ATXN2: variants seen among roughly 807,000 people sequenced by gnomAD.
ATXN2 encodes the protein ataxin-2.
ATXN2 carries 37 observed loss-of-function variants against 138.6 expected under a neutral mutation model. The observed-to-expected ratio is 0.27, with a 90% CI of 0.21 to 0.35. ATXN2 has a LOEUF of 0.35. Among genes scored for constraint, ATXN2 ranks in the 10% least tolerant of loss-of-function variants. ATXN2 has a pLI of 1.00. For missense variants in ATXN2, 1,216 were observed against 1,480.3 expected (o/e 0.82, Z 2.93); for synonymous variants, 549 against 543.7 (o/e 1.01, Z -0.13).
intron 5 of ATXN2, among the ~76,000 whole-genome samples, chr12:111,534,411 T>C (rs922150840): frequency 6.6e-6 from 1 of 152,058 alleles, no homozygotes; most frequent in Non-Finnish European, 1.5e-5. Flanking sequence ...ATAAAAAATA[T>C]ATACATGTAA....
chr12:111,512,321 GTTTGT>G (rs959068209), intron 11 of ATXN2, among the ~76,000 whole-genome samples: 11 of 151,892 alleles, frequency 7.2e-5, no homozygotes, highest in Non-Finnish European at 1.2e-4. Context: ...TTGTTTGTTT[GTTTGT>G]TTTAAGTATT....
intron 1 of ATXN2, among the ~76,000 whole-genome samples, chr12:111,560,048 T>A (rs1197619595): frequency 1.3e-5 from 2 of 151,912 alleles, no homozygotes; most frequent in Non-Finnish European, 2.9e-5. Flanking sequence ...CCTCTGTGGA[T>A]TGGAACAAAT....
chr12:111,461,933 A>G (rs906564097), intron 21 of ATXN2, among the ~76,000 whole-genome samples: 1 of 151,864 alleles, frequency 6.6e-6, no homozygotes, highest in Admixed American at 6.6e-5. Flanking sequence ...AAAGAAAAAA[A>G]AAAAAAAAGG....
intron 1 of ATXN2, among the ~76,000 whole-genome samples, chr12:111,586,402 T>G (rs1474357604): frequency 2.7e-5 from 4 of 146,660 alleles, no homozygotes; most frequent in Non-Finnish European, 1.5e-5. Context: ...TTTTTTTTTT[T>G]TTTTTTTTTT....
In ATXN2 at chr12:111,471,081, T is replaced by C. The variant is rs1243528405; in HGVS notation, c.2525-339A>G. The C allele has an allele frequency of 2.3e-5, 5 of 215,872 alleles. No individual in the cohort carries two copies. The East Asian group carries it at 4.7e-4, about 20-fold the overall frequency. The allele number at this position is 215,872 out of a possible 1,614,324, so 13.4% of individuals were successfully genotyped here. ...CACAGCATTATGAAATCGCTTCTCATATGGTATTTTCTGGGACGGGCACTG... is the reference window on the plus strand; with the variant it reads ...CACAGCATTATGAAATCGCTTCTCACATGGTATTTTCTGGGACGGGCACTG... On this transcript the variant is annotated intron_variant, in intron 18 of 24. Transcript: ENST00000673436.
In ATXN2 at chr12:111,525,249, G is replaced by T. The variant is rs773662523; in HGVS notation, c.639C>A (p.Pro213=). The T allele has an allele frequency of 2.2e-5, 36 of 1,613,494 alleles. No homozygotes were observed. The highest frequency in any genetic ancestry group is 3.3e-5 in the Admixed American group (2 of 59,766). The change falls in exon 6 of 25, where the codon CCC becomes CCA. Residue 213 remains proline (P), a synonymous_variant. Coordinates refer to ENST00000673436, the MANE Select transcript of ATXN2 (RefSeq NM_001372574.1). ...TGGCTGTGAGTTCACCTGCATCCCA[G>T]GGCTCCAGGTCCTTCTCTTTGTGTT... is the stretch of plus-strand genomic sequence containing the variant. ...NGEHKEKDLE[P]WDAGELTANE...
intron 18 of ATXN2, among the ~76,000 whole-genome samples, chr12:111,478,563 C>T (rs1022789455): frequency 6.6e-6 from 1 of 151,940 alleles, no homozygotes; most frequent in African/African-American, 2.4e-5. Context: ...CATAAGACAC[C>T]CATTAGACCT....
intron 1 of ATXN2, among the ~76,000 whole-genome samples, chr12:111,559,639 G>A (rs1390878681): frequency 6.6e-6 from 1 of 151,458 alleles, no homozygotes; most frequent in African/African-American, 2.4e-5. Flanking sequence ...AGGCGTGGTG[G>A]TGCACACCTG....
intron 5 of ATXN2, among the ~76,000 whole-genome samples, chr12:111,536,286 A>C (rs934521396): frequency 1.3e-5 from 2 of 152,082 alleles, no homozygotes; most frequent in African/African-American, 2.4e-5. Flanking sequence ...CTTATTTTCT[A>C]TTTTCACTGT....
intron 1 of ATXN2, among the ~76,000 whole-genome samples, chr12:111,562,430 G>A (rs1242745793): frequency 1.3e-5 from 2 of 151,480 alleles, no homozygotes; most frequent in Non-Finnish European, 2.9e-5. Context: ...TCTTAAAAGA[G>A]AAAAAGAAGG....
Position 111,554,179 on chromosome 12 carries a change from A to G in ATXN2, c.327T>C (p.Val109=). 6.7e-7 allele frequency: 1 copy of G among 1,495,720 alleles called. No individual in the cohort carries two copies. The highest frequency in any genetic ancestry group is 2.2e-5 in the Admixed American group (1 of 44,980). The allele number at this position is 1,495,720 out of a possible 1,614,324, so 92.7% of individuals were successfully genotyped here. ...FDGIYANMRM[V]HILTSVVGSK... is the part of the protein sequence containing the mutation. Reference sequence around the variant, plus strand: ...TTACAACAACTGATGTAAGTATATGAACCATCCTCATATTTGCATAGATTC... The same window carrying G: ...TTACAACAACTGATGTAAGTATATGGACCATCCTCATATTTGCATAGATTC... Residue 109 remains valine, a synonymous_variant, in exon 3 of 25, where the codon GTT becomes GTC. Coordinates refer to ENST00000673436, the MANE Select transcript of ATXN2 (RefSeq NM_001372574.1).
At chr12:111,484,871 C>CA (rs770113010) in intron 18 of ATXN2, among the ~76,000 whole-genome samples, 29 of 152,172 alleles carry the variant, frequency 1.9e-4, no homozygotes, top group Non-Finnish European at 3.4e-4. Flanking sequence ...GCTGGGGCTA[C>CA]AGGCATATGC....
intron 1 of ATXN2, among the ~76,000 whole-genome samples, chr12:111,582,656 GTTTT>G (rs1243956952): frequency 6.6e-6 from 1 of 152,102 alleles, no homozygotes; most frequent in African/African-American, 2.4e-5. Flanking sequence ...TAGTATCTCA[GTTTT>G]TTTGTTTGTT....
chr12:111,541,346 CTTTTTTTTTT>C (rs62932861), intron 5 of ATXN2, among the ~76,000 whole-genome samples: 4 of 67,448 alleles, frequency 5.9e-5, no homozygotes, highest in Non-Finnish European at 9.1e-5. Flanking sequence ...AGTTATAATT[CTTTTTTTTTT>C]TTTTTTTTTT....
chr12:111,599,339 C>G (rs1885144467), upstream of ATXN2: 1 of 612,772 alleles, frequency 1.6e-6, no homozygotes. Flanking sequence ...GGGGCCGGGG[C>G]CGGGCGGGGG....
intron 14 of ATXN2, among the ~76,000 whole-genome samples, chr12:111,496,173 C>T (rs964655344): frequency 6.6e-6 from 1 of 151,642 alleles, no homozygotes; most frequent in Non-Finnish European, 1.5e-5. Context: ...AACAAACAAA[C>T]AAATAAATAA....
At chr12:111,565,638 G>A (rs947249623) in intron 1 of ATXN2, among the ~76,000 whole-genome samples, 1 of 152,064 alleles carries the variant, frequency 6.6e-6, no homozygotes, top group Non-Finnish European at 1.5e-5. Context: ...CCACGAACCA[G>A]CAGTCAGCTT....
chr12:111,562,001 C>T (rs1390538969), intron 1 of ATXN2, among the ~76,000 whole-genome samples: 1 of 151,722 alleles, frequency 6.6e-6, no homozygotes, highest in African/African-American at 2.4e-5. Flanking sequence ...TTAGTAGAGA[C>T]AGGGTTTCAC....
chr12:111,583,206 T>A (rs1385397629), intron 1 of ATXN2, among the ~76,000 whole-genome samples: 1 of 124,572 alleles, frequency 8.0e-6, no homozygotes, highest in Non-Finnish European at 1.7e-5. Flanking sequence ...TTGCCCAGGT[T>A]GGTCTCGATC....
Sources: allele counts gnomAD v4.1 joint callset (sites outside exome capture counted in the v4.1 genomes callset), GRCh38; gene constraint gnomAD v4.1.1; transcripts MANE v1.5; gene names NCBI Gene and HGNC (gene_info 2026-07-23, HGNC 2026-07-21).